NRXN3: variants seen among roughly 807,000 people sequenced by gnomAD.
The protein encoded by NRXN3 is neurexin 3, also known as neurexin III.
In NRXN3, 32 loss-of-function variants were observed where a neutral mutation model predicts 137.6. That is an observed-to-expected ratio of 0.23 (90% confidence interval 0.18 to 0.31). NRXN3 has a LOEUF of 0.31. Ranked by LOEUF, NRXN3 falls within the 10% of genes least tolerant of loss-of-function variation. The pLI is 1.00. For synonymous variants in NRXN3, 798 were observed against 784.5 expected, an observed-to-expected ratio of 1.02 and a Z score of -0.29; for missense variants, 1,574 against 2,062.5, an observed-to-expected ratio of 0.76 and a Z score of 4.59.
intron 15 of NRXN3, among the ~76,000 whole-genome samples, chr14:79,297,406 A>T (rs2084369222): frequency 6.6e-6 from 1 of 152,126 alleles, no homozygotes; most frequent in Admixed American, 6.6e-5. Context: ...TATAATTTAA[A>T]AATTTTGTTG....
chr14:79,266,219 A>G (rs2078444425), intron 15 of NRXN3, among the ~76,000 whole-genome samples: 3 of 152,190 alleles, frequency 2.0e-5, no homozygotes, highest in Admixed American at 6.5e-5. Context: ...TGTCTCAACC[A>G]TGACATATTA....
chr14:79,158,164 C>A (rs756201743), intron 15 of NRXN3, among the ~76,000 whole-genome samples: 3 of 151,740 alleles, frequency 2.0e-5, no homozygotes, highest in Non-Finnish European at 4.4e-5. Flanking sequence ...GGTGACTTCC[C>A]CCTGTGTATA....
At chr14:79,158,938 C>T (rs1417899051) in intron 15 of NRXN3, among the ~76,000 whole-genome samples, 2 of 151,804 alleles carry the variant, frequency 1.3e-5, no homozygotes, top group Non-Finnish European at 2.9e-5. Flanking sequence ...CCCATCAAAA[C>T]TCTCACAAAA....
intron 16 of NRXN3, among the ~76,000 whole-genome samples, chr14:79,626,763 A>G (rs2098286215): frequency 6.6e-6 from 1 of 152,220 alleles, no homozygotes; most frequent in Admixed American, 6.5e-5. Flanking sequence ...TCTCAGCACG[A>G]TTAGCCCTAA....
At chr14:79,627,416 C>T (rs759025102) in intron 16 of NRXN3, among the ~76,000 whole-genome samples, 2 of 152,162 alleles carry the variant, frequency 1.3e-5, no homozygotes, top group Non-Finnish European at 2.9e-5. Flanking sequence ...TTGAGATCCT[C>T]AGCCACTGAG....
At chr14:78,317,158 T>C (rs2078801522) in intron 4 of NRXN3, among the ~76,000 whole-genome samples, 1 of 152,200 alleles carries the variant, frequency 6.6e-6, no homozygotes, top group Admixed American at 6.5e-5. Context: ...AGAAGACTGA[T>C]GTCCCAGTGT....
chr14:78,686,844 A>C (rs746410387), intron 6 of NRXN3, among the ~76,000 whole-genome samples: 1 of 152,168 alleles, frequency 6.6e-6, no homozygotes, highest in Admixed American at 6.5e-5. Flanking sequence ...AGCTCACTGA[A>C]TGTGACTTTC....
At chr14:78,765,565 G>A (rs917267800) in intron 8 of NRXN3, among the ~76,000 whole-genome samples, 18 of 152,134 alleles carry the variant, frequency 1.2e-4, no homozygotes, top group Non-Finnish European at 2.9e-5. Flanking sequence ...GAACTCCATA[G>A]GTTACAAGGA....
intron 15 of NRXN3, among the ~76,000 whole-genome samples, chr14:79,432,376 A>C (rs2095774966): frequency 6.6e-6 from 1 of 152,142 alleles, no homozygotes; most frequent in Admixed American, 6.6e-5. Context: ...GCTTCAGGAG[A>C]AACCAGTTGC....
chr14:79,462,643 A>ATATATATACAC (rs1263946411), intron 15 of NRXN3, among the ~76,000 whole-genome samples: 4 of 151,220 alleles, frequency 2.6e-5, no homozygotes, highest in African/African-American at 9.7e-5. Context: ...ATATTCACAT[A>ATATATATACAC]TATATATACA....
chr14:78,977,669 C>T (rs1451585413), intron 14 of NRXN3, among the ~76,000 whole-genome samples: 2 of 152,132 alleles, frequency 1.3e-5, no homozygotes, highest in East Asian at 3.9e-4. Context: ...TATCAACTCC[C>T]ACCTCTCTAC....
chr14:79,703,076 A>G (rs1187074285), intron 19 of NRXN3, among the ~76,000 whole-genome samples: 1 of 152,144 alleles, frequency 6.6e-6, no homozygotes, highest in African/African-American at 2.4e-5. Context: ...GAAAATTGCC[A>G]GAAAATCACA....
chr14:79,614,817 C>T (rs1409700580), intron 16 of NRXN3, among the ~76,000 whole-genome samples: 1 of 152,230 alleles, frequency 6.6e-6, no homozygotes, highest in Non-Finnish European at 1.5e-5. Context: ...TCTTTCCTAA[C>T]TGCCCTATCA....
At chr14:78,654,784 T>A (rs574675709) in intron 6 of NRXN3, among the ~76,000 whole-genome samples, 1 of 152,324 alleles carries the variant, frequency 6.6e-6, no homozygotes, top group East Asian at 1.9e-4. Context: ...CTAGAATGGT[T>A]CTTGGCACTT....
At chr14:78,825,062 A>G (rs2098962268) in intron 10 of NRXN3, among the ~76,000 whole-genome samples, 1 of 152,092 alleles carries the variant, frequency 6.6e-6, no homozygotes, top group Non-Finnish European at 1.5e-5. Flanking sequence ...ATTGTTTTGC[A>G]CATATCAAAT....
chr14:79,002,442 C>G (rs1408844397), intron 15 of NRXN3, among the ~76,000 whole-genome samples: 2 of 152,116 alleles, frequency 1.3e-5, no homozygotes, highest in Admixed American at 6.6e-5. Flanking sequence ...TTGTTCAGCT[C>G]CCACTTATGA....
intron 10 of NRXN3, among the ~76,000 whole-genome samples, chr14:78,954,749 G>A (rs1176950860): frequency 6.7e-6 from 1 of 149,580 alleles, no homozygotes; most frequent in Admixed American, 6.7e-5. Context: ...ACAGGCGTGA[G>A]CCACTGCACC....
chr14:79,497,553 A>T (rs1163603999), intron 16 of NRXN3, among the ~76,000 whole-genome samples: 1 of 151,998 alleles, frequency 6.6e-6, no homozygotes, highest in East Asian at 1.9e-4. Flanking sequence ...AGATTTTACC[A>T]TTAGCAATAC....
intron 10 of NRXN3, among the ~76,000 whole-genome samples, chr14:78,904,635 T>C (rs988942036): frequency 3.3e-5 from 5 of 152,112 alleles, no homozygotes; most frequent in African/African-American, 1.2e-4. Context: ...AGGAGGCCAT[T>C]TTTATTTGAA....
Sources: allele counts gnomAD v4.1 joint callset (sites outside exome capture counted in the v4.1 genomes callset), GRCh38; gene constraint gnomAD v4.1.1; transcripts MANE v1.5; gene names NCBI Gene and HGNC (gene_info 2026-07-23, HGNC 2026-07-21).